Variants in MAP3K5 observed in about 807,000 individuals in gnomAD.
MAP3K5 encodes ASK-1.
Under a neutral mutation model 158.7 loss-of-function variants are expected in MAP3K5, and 56 were observed. That is an observed-to-expected ratio of 0.35 (90% CI 0.28 to 0.44). The LOEUF (loss-of-function observed/expected upper bound fraction) is 0.44, where lower values mean the gene tolerates loss of function less well. Ranked by LOEUF, MAP3K5 falls within the 20% of genes least tolerant of loss-of-function variation. The pLI is 1.00. For missense variants in MAP3K5, 1,294 were observed against 1,674.8 expected (o/e 0.77, Z 3.97); for synonymous variants, 579 against 601.7 (o/e 0.96, Z 0.55).
At chr6:136,599,185 AT>A (rs1775770607) in intron 21 of MAP3K5, among the ~76,000 whole-genome samples, 1 of 140,630 alleles carries the variant, frequency 7.1e-6, no homozygotes. Context: ...GGGGGCGTGG[AT>A]TTTAGCTCCT....
chr6:136,636,648 G>C (rs1336163320), intron 14 of MAP3K5, among the ~76,000 whole-genome samples: 1 of 152,148 alleles, frequency 6.6e-6, no homozygotes, highest in Admixed American at 6.5e-5. Context: ...CAAACTAAAA[G>C]TAGGTGTCCA....
chr6:136,753,566 G>A (rs769333204), intron 1 of MAP3K5, among the ~76,000 whole-genome samples: 34 of 151,990 alleles, frequency 2.2e-4, no homozygotes, highest in Non-Finnish European at 3.7e-4. Context: ...ACTTTAAAAA[G>A]GCATGGTATT....
intron 19 of MAP3K5, among the ~76,000 whole-genome samples, chr6:136,604,324 C>CAA (rs898068066): frequency 9.6e-6 from 1 of 103,634 alleles, no homozygotes; most frequent in Non-Finnish European, 2.1e-5. Flanking sequence ...TCTGTCTCCA[C>CAA]AAAAAAAAAG....
At chr6:136,695,842 T>TA in intron 6 of MAP3K5, 109 bp downstream of exon 6, 1 of 580,284 alleles carries the variant, frequency 1.7e-6, no homozygotes, top group East Asian at 2.9e-5. Context: ...TAATATTACA[T>TA]TTTAATAGGG....
chr6:136,789,675 CTTTTTTTTT>C lies in MAP3K5; in HGVS notation c.448+2026_448+2034del, dbSNP rs57162918. On this transcript the variant is annotated intron_variant, in intron 1 of 29. Coordinates refer to ENST00000359015, the MANE Select transcript of MAP3K5 (RefSeq NM_005923.4). ...AGGAAGCAAGGGCCAAGCACAACCT[CTTTTTTTTT>C]TTTTTTTTTTTTTTTTTTTTAAGAC... Among the ~76,000 whole-genome samples, 62 of 78,778 alleles carry C rather than the reference CTTTTTTTTT, an allele frequency of 7.9e-4. 1 individual carries two copies. Among genetic ancestry groups the C allele is most frequent in the African/African-American group, 2.9e-3 (51 of 17,740 alleles). 51.7% of individuals were successfully genotyped at this position (78,778 alleles called of 152,430 possible).
At chr6:136,731,802 A>G (rs963628160) in intron 1 of MAP3K5, among the ~76,000 whole-genome samples, 1 of 152,230 alleles carries the variant, frequency 6.6e-6, no homozygotes, top group African/African-American at 2.4e-5. Flanking sequence ...AAAGACTGGC[A>G]AAGAACAAAA....
chr6:136,567,888 T>G lies in MAP3K5; in HGVS notation c.3518-14A>C, dbSNP rs540969051. The G allele has an allele frequency of 1.2e-5, 19 of 1,612,314 alleles. No individual in the cohort carries two copies. The South Asian group carries it at 2.0e-4, about 17-fold the overall frequency. On this transcript the variant is annotated splice_polypyrimidine_tract_variant and intron_variant, in intron 25 of 29. Coordinates refer to ENST00000359015, the MANE Select transcript of MAP3K5 (RefSeq NM_005923.4). ...GTGGCCTTAGTTCTGTTTGGCATAATATCAGTGGTAGTGTTTATAAAATAT... is the reference window on the plus strand; with the variant it reads ...GTGGCCTTAGTTCTGTTTGGCATAAGATCAGTGGTAGTGTTTATAAAATAT...
chr6:136,600,276 C>T (rs150972897), intron 21 of MAP3K5, among the ~76,000 whole-genome samples: 27 of 151,462 alleles, frequency 1.8e-4, no homozygotes, highest in African/African-American at 6.1e-4. Flanking sequence ...CTACAACCTC[C>T]ACCACCCCAG....
chr6:136,732,322 G>A (rs1252834774), intron 1 of MAP3K5, among the ~76,000 whole-genome samples: 2 of 152,178 alleles, frequency 1.3e-5, no homozygotes, highest in Non-Finnish European at 2.9e-5. Flanking sequence ...CCACTAGGGA[G>A]GCTGAGGCTG....
chr6:136,611,149 GA>G, intron 18 of MAP3K5, 132 bp downstream of exon 18: 1 of 179,438 alleles, frequency 5.6e-6, no homozygotes, highest in Non-Finnish European at 1.1e-5. Context: ...GAAAAGAAAA[GA>G]AAAGAAAGAA....
At chr6:136,781,855 T>C (rs868406314) in intron 1 of MAP3K5, among the ~76,000 whole-genome samples, 1 of 152,190 alleles carries the variant, frequency 6.6e-6, no homozygotes, top group Non-Finnish European at 1.5e-5. Flanking sequence ...TCTGTCCTGG[T>C]TGCCCCAGCT....
Position 136,669,383 on chromosome 6 carries a change from T to C in MAP3K5, c.1266A>G (p.Ala422=), listed in dbSNP as rs764421096. 1.2e-6 allele frequency: 2 copies of C among 1,605,294 alleles called. No homozygotes were observed. The highest frequency in any genetic ancestry group is 1.7e-5 in the Admixed American group (1 of 59,852). Residue 422 remains alanine, a synonymous_variant, in exon 8 of 30, where the codon GCA becomes GCG. Coordinates refer to ENST00000359015, the MANE Select transcript of MAP3K5 (RefSeq NM_005923.4). ...RDHGASWFKK[A]FESEPTLQSG... ...ACTGTAGTGTTGGCTCAGATTCAAA[T>C]GCCTTTTTGAACCTATAAAAAACCA...
intron 11 of MAP3K5, among the ~76,000 whole-genome samples, chr6:136,649,876 C>A (rs1205898808): frequency 2.6e-4 from 40 of 152,292 alleles, no homozygotes. Flanking sequence ...GATGAGGACA[C>A]CATAGCTTGG....
Position 136,775,128 on chromosome 6 carries a change from A to C in MAP3K5, c.448+16582T>G, listed in dbSNP as rs541681085. ...CTAACAGAAATATGAATTAAAAAAA[A>C]ATTCAGATCTTAGAGAATAAAAATA... is the stretch of plus-strand genomic sequence containing the variant. On this transcript the variant is annotated intron_variant, in intron 1 of 29. Coordinates refer to ENST00000359015, the MANE Select transcript of MAP3K5 (RefSeq NM_005923.4). 1.4e-4 allele frequency among the ~76,000 whole-genome samples: 22 copies of C among 152,356 alleles called. 1 individual carries two copies. The East Asian group carries it at 4.0e-3, about 28-fold the overall frequency.
chr6:136,605,657 T>A (rs186226108), intron 18 of MAP3K5, among the ~76,000 whole-genome samples: 2 of 152,232 alleles, frequency 1.3e-5, no homozygotes, highest in African/African-American at 4.8e-5. Flanking sequence ...CATCATTTCA[T>A]TGGGCTTCTT....
At chr6:136,739,853 C>G (rs532409503) in intron 1 of MAP3K5, among the ~76,000 whole-genome samples, 4 of 152,210 alleles carry the variant, frequency 2.6e-5, no homozygotes, top group Non-Finnish European at 5.9e-5. Flanking sequence ...TAGATCCCCC[C>G]ATTCATTCTC....
At chr6:136,595,745 G>T (rs993077454) in intron 21 of MAP3K5, among the ~76,000 whole-genome samples, 1 of 152,182 alleles carries the variant, frequency 6.6e-6, no homozygotes, top group South Asian at 2.1e-4. Flanking sequence ...GGCTGGGCGC[G>T]GTGGCTCACG....
chr6:136,673,370 A>G (rs368150017), intron 7 of MAP3K5, among the ~76,000 whole-genome samples: 1 of 152,212 alleles, frequency 6.6e-6, no homozygotes, highest in African/African-American at 2.4e-5. Context: ...CGAGACATGC[A>G]AAGAGCCAGC....
intron 7 of MAP3K5, among the ~76,000 whole-genome samples, chr6:136,693,711 T>C (rs977975632): frequency 3.3e-5 from 5 of 152,184 alleles, no homozygotes; most frequent in African/African-American, 1.2e-4. Context: ...AACTCTAAGA[T>C]TGGCCCGGTG....
Sources: gnomAD v4.1 joint callset for allele counts (sites outside exome capture counted in the v4.1 genomes callset) on GRCh38, gnomAD v4.1.1 for gene constraint, MANE v1.5 for transcripts, NCBI Gene and HGNC (gene_info 2026-07-23, HGNC 2026-07-21) for gene names.